Variants in LCA5 observed in about 807,000 individuals in gnomAD.
The protein encoded by LCA5 is lebercilin LCA5, also known as lebercilin.
Under a neutral mutation model 53.0 loss-of-function variants are expected in LCA5, and 37 were observed. The observed-to-expected ratio is 0.70, with a 90% CI of 0.54 to 0.92. LCA5 has a LOEUF of 0.92. LCA5 is among the 40% of genes least tolerant of loss of function. The pLI is 0.00. For synonymous variants in LCA5, 303 were observed against 282.9 expected (o/e 1.07, Z -0.71); for missense variants, 806 against 790.5 (o/e 1.02, Z -0.23).
At position 79,518,977 on chromosome 6, in the gene LCA5, T is replaced by C; in HGVS notation, c.-83A>G. 1 of 1,228,092 alleles carries C rather than the reference T, an allele frequency of 8.1e-7. No individual in the cohort carries two copies. Among genetic ancestry groups the C allele is most frequent in the Non-Finnish European group, 1.2e-6 (1 of 830,324 alleles). The allele number at this position is 1,228,092 out of a possible 1,614,324, so 76.1% of individuals were successfully genotyped here. ...ACTATGACAATACTGAAAAACATTT[T>C]CACAGTCTTCAGATCCTGATAATAT... On this transcript the variant is annotated 5_prime_UTR_variant, in exon 2 of 8. Transcript: ENST00000369846.
intron 1 of LCA5, among the ~76,000 whole-genome samples, chr6:79,530,272 T>C (rs920829884): frequency 2.6e-5 from 4 of 152,078 alleles, no homozygotes; most frequent in Non-Finnish European, 5.9e-5. Flanking sequence ...GAAAACCAAA[T>C]GCCATTATGC....
At position 79,501,529 on chromosome 6, in the gene LCA5, C is replaced by G. The variant is rs138728626; in HGVS notation, c.721-7779G>C. On this transcript the variant is annotated intron_variant, in intron 3 of 7. Transcript: ENST00000369846. ...GCACCCTTTGGGTACAATTACTGAT[C>G]CAATTGTAAAGCTTTCTAACACTAT... is the stretch of plus-strand genomic sequence containing the variant. 3.8e-3 allele frequency among the ~76,000 whole-genome samples: 572 copies of G among 151,916 alleles called. 3 individuals are homozygous for G. Among genetic ancestry groups the G allele is most frequent in the Admixed American group, 8.7e-3 (132 of 15,230 alleles).
At chr6:79,491,538 A>G (rs1562095674) in intron 6 of LCA5, 50 bp downstream of exon 6, 1 of 1,592,802 alleles carries the variant, frequency 6.3e-7, no homozygotes, top group Admixed American at 1.7e-5. Context: ...TTGTGTTTTT[A>G]GGAATAACTT....
chr6:79,513,365 T>C lies in LCA5; in HGVS notation c.567A>G (p.Val189=), dbSNP rs1470652333. 1 of 1,613,902 alleles carries C rather than the reference T, an allele frequency of 6.2e-7. No homozygotes were observed. The highest frequency in any genetic ancestry group is 1.7e-5 in the Admixed American group (1 of 59,976). ...TAAATAGTTCACTTTCTGTATCTTTTACCCTTTTCTCAGTTGCCCGTTCTT... is the reference window on the plus strand; with the variant it reads ...TAAATAGTTCACTTTCTGTATCTTTCACCCTTTTCTCAGTTGCCCGTTCTT... ...QEKERATEKR[V]KDTESELFRT... The change falls in exon 3 of 8, where the codon GTA becomes GTG. Residue 189 remains valine, a synonymous_variant. Transcript: ENST00000369846.
chr6:79,523,762 G>A (rs968665060), intron 1 of LCA5, among the ~76,000 whole-genome samples: 11 of 152,066 alleles, frequency 7.2e-5, no homozygotes, highest in Non-Finnish European at 1.2e-4. Context: ...TATGGCAAAG[G>A]GGAAGAATAC....
chr6:79,486,181 G>C lies in LCA5; in HGVS notation c.*823C>G, dbSNP rs567328889. On this transcript the variant is annotated 3_prime_UTR_variant, in exon 8 of 8. Transcript: ENST00000369846. The stretch of plus-strand genomic sequence containing the variant: ...TTGGGATAAAGTTTTTCTATTCTTT[G>C]CAGTTGGTATGTATTTCCACTATTC... 7 of 152,150 alleles carry C rather than the reference G, an allele frequency of 4.6e-5. No homozygotes were observed. The highest frequency in any genetic ancestry group is 1.7e-4 in the African/African-American group (7 of 41,522). The allele number at this position is 152,150 out of a possible 1,614,324, so 9.4% of individuals were successfully genotyped here. A position where few individuals can be genotyped will look rare whatever the true frequency, so the allele number is the denominator to read the frequency against.
intron 3 of LCA5, among the ~76,000 whole-genome samples, chr6:79,510,971 C>A (rs1306713223): frequency 6.7e-6 from 1 of 149,100 alleles, no homozygotes; most frequent in Non-Finnish European, 1.5e-5. Context: ...ACTGACGGGA[C>A]AATAAAAAAT....
intron 1 of LCA5, among the ~76,000 whole-genome samples, chr6:79,536,474 G>C (rs950501935): frequency 6.6e-5 from 10 of 152,198 alleles, no homozygotes; most frequent in Admixed American, 5.9e-4. Flanking sequence ...CTGGACCAGG[G>C]CTCTTCACTG....
Position 79,488,045 on chromosome 6 carries a change from A to C in LCA5, c.1232-179T>G, listed in dbSNP as rs914037818. ...TCTGGGATTAGAGAATAATATATTTAATACGTATTGCATTTAAGATTCTCA... is the reference window on the plus strand; with the variant it reads ...TCTGGGATTAGAGAATAATATATTTCATACGTATTGCATTTAAGATTCTCA... On this transcript the variant is annotated intron_variant, in intron 7 of 7. Coordinates refer to ENST00000369846, the MANE Select transcript of LCA5 (RefSeq NM_001122769.3). 185 of 589,334 alleles carry C rather than the reference A, an allele frequency of 3.1e-4. No homozygotes were observed. In the Middle Eastern group the frequency reaches 3.2e-3, roughly 10 times the overall value. 36.5% of individuals were successfully genotyped at this position (589,334 alleles called of 1,614,324 possible). A position where few individuals can be genotyped will look rare whatever the true frequency, so the allele number is the denominator to read the frequency against.
intron 2 of LCA5, among the ~76,000 whole-genome samples, chr6:79,516,857 A>G (rs183327239): frequency 8.3e-4 from 126 of 152,122 alleles, no homozygotes; most frequent in African/African-American, 2.9e-3. Flanking sequence ...CCACCAAAAA[A>G]ATCAAGATAT....
intron 2 of LCA5, among the ~76,000 whole-genome samples, chr6:79,516,331 G>A (rs1428714115): frequency 6.6e-6 from 1 of 151,146 alleles, no homozygotes; most frequent in Non-Finnish European, 1.5e-5. Flanking sequence ...CTCAGCTCTT[G>A]GAATGACAGA....
chr6:79,496,698 C>A (rs546533380), intron 3 of LCA5, among the ~76,000 whole-genome samples: 1 of 151,926 alleles, frequency 6.6e-6, no homozygotes, highest in South Asian at 2.1e-4. Flanking sequence ...GGGAGGAGTA[C>A]AAAAAGGCAT....
intron 1 of LCA5, among the ~76,000 whole-genome samples, chr6:79,531,204 C>T (rs1197078249): frequency 6.6e-6 from 1 of 152,176 alleles, no homozygotes; most frequent in Admixed American, 6.5e-5. Flanking sequence ...TTTGAAGCCA[C>T]CTCCACCTGT....
At position 79,514,792 on chromosome 6, in the gene LCA5, T is replaced by C. The variant is rs1177467281; in HGVS notation, c.191-1051A>G. ...AACCAGTAACACATGATTTCACTTG[T>C]AAGTGGAAGCTAAATGATGAGAACA... On this transcript the variant is annotated intron_variant, in intron 2 of 7. Coordinates refer to ENST00000369846, the MANE Select transcript of LCA5 (RefSeq NM_001122769.3). 3.3e-5 allele frequency among the ~76,000 whole-genome samples: 5 copies of C among 152,060 alleles called. No individual in the cohort carries two copies. The East Asian group carries it at 7.7e-4, about 23-fold the overall frequency.
At chr6:79,507,595 C>G (rs1039816969) in intron 3 of LCA5, among the ~76,000 whole-genome samples, 3 of 152,050 alleles carry the variant, frequency 2.0e-5, no homozygotes, top group Non-Finnish European at 4.4e-5. Context: ...TGAACTTAAG[C>G]ACACCTTGAG....
At chr6:79,526,185 G>C (rs925330389) in intron 1 of LCA5, among the ~76,000 whole-genome samples, 5 of 152,142 alleles carry the variant, frequency 3.3e-5, no homozygotes, top group African/African-American at 1.2e-4. Flanking sequence ...TCACCTTTCC[G>C]GTGGGGTGGA....
At chr6:79,489,582 T>C (rs1769779906) in intron 6 of LCA5, among the ~76,000 whole-genome samples, 1 of 152,132 alleles carries the variant, frequency 6.6e-6, no homozygotes, top group African/African-American at 2.4e-5. Context: ...GCCAACTATG[T>C]GCATCAAGTG....
intron 3 of LCA5, among the ~76,000 whole-genome samples, chr6:79,508,826 A>G (rs998616792): frequency 6.6e-6 from 1 of 152,186 alleles, no homozygotes; most frequent in African/African-American, 2.4e-5. Flanking sequence ...TAGTGGTTTG[A>G]CTATAACTGA....
intron 7 of LCA5, chr6:79,488,069 C>A (rs1476115068): frequency 7.7e-6 from 4 of 521,368 alleles, no homozygotes; most frequent in African/African-American, 2.0e-5. Context: ...TTAAGATTCT[C>A]ATTTATAAAA....
Sources: allele counts gnomAD v4.1 joint callset (sites outside exome capture counted in the v4.1 genomes callset), GRCh38; gene constraint gnomAD v4.1.1; transcripts MANE v1.5; gene names NCBI Gene and HGNC (gene_info 2026-07-23, HGNC 2026-07-21).